C8orf34: variants seen among roughly 807,000 people sequenced by gnomAD.
The protein encoded by C8orf34 is chromosome 8 open reading frame 34.
In C8orf34, 65 loss-of-function variants were observed where a neutral mutation model predicts 68.3. The observed-to-expected ratio is 0.95, with a 90% CI of 0.78 to 1.17. C8orf34 has a LOEUF of 1.17. Ranked by LOEUF, C8orf34 falls within the 50% of genes most tolerant of loss-of-function variation. The pLI is 0.00. For missense variants in C8orf34, 664 were observed against 655.4 expected (o/e 1.01, Z -0.14); for synonymous variants, 244 against 241.2 (o/e 1.01, Z -0.11).
chr8:68,685,160 A>G (rs1820477804), intron 8 of C8orf34, among the ~76,000 whole-genome samples: 1 of 152,036 alleles, frequency 6.6e-6, no homozygotes, highest in Non-Finnish European at 1.5e-5. Flanking sequence ...GCTTGAACCT[A>G]TTGTTATTTC....
At chr8:68,398,425 G>C (rs1808807836) in intron 1 of C8orf34, among the ~76,000 whole-genome samples, 2 of 152,220 alleles carry the variant, frequency 1.3e-5, no homozygotes, top group Non-Finnish European at 2.9e-5. Context: ...AATTTGTAAT[G>C]AAACAGTTAT....
At chr8:68,665,519 T>C (rs148294698) in intron 8 of C8orf34, among the ~76,000 whole-genome samples, 5 of 152,328 alleles carry the variant, frequency 3.3e-5, no homozygotes, top group African/African-American at 1.2e-4. Context: ...CCTGCTTAAC[T>C]GACTGTAGGT....
rs149273905 is a variant in C8orf34 at position 68,445,034 on chromosome 8, A to C, written c.476-1295A>C. ...TAGAAATCTTCCATTCTCTTTTTGA[A>C]TGGCCTATATCCTGTCTTAACCTTA... On this transcript the variant is annotated intron_variant, in intron 2 of 13. Coordinates refer to ENST00000518698, the MANE Select transcript of C8orf34 (RefSeq NM_052958.4). Among the ~76,000 whole-genome samples, 328 of 152,298 alleles carry C rather than the reference A, an allele frequency of 2.2e-3. 1 individual carries two copies. The highest frequency in any genetic ancestry group is 7.1e-3 in the African/African-American group (295 of 41,572).
At chr8:68,508,666 A>T (rs1199867238) in intron 5 of C8orf34, among the ~76,000 whole-genome samples, 1 of 152,182 alleles carries the variant, frequency 6.6e-6, no homozygotes, top group Non-Finnish European at 1.5e-5. Context: ...GGGCTTGTCC[A>T]GAGTGACTTC....
intron 7 of C8orf34, among the ~76,000 whole-genome samples, chr8:68,568,291 T>A (rs1307846676): frequency 6.6e-6 from 1 of 152,072 alleles, no homozygotes; most frequent in African/African-American, 2.4e-5. Flanking sequence ...TATTCACAAC[T>A]TGGCTAACTG....
chr8:68,353,339 C>A (rs1034642524), intron 1 of C8orf34, among the ~76,000 whole-genome samples: 30 of 151,846 alleles, frequency 2.0e-4, no homozygotes, highest in African/African-American at 6.5e-4. Context: ...TATAATACAG[C>A]TAAAGAAAGT....
chr8:68,499,844 T>C (rs1314761353), intron 5 of C8orf34, among the ~76,000 whole-genome samples: 1 of 152,190 alleles, frequency 6.6e-6, no homozygotes, highest in Non-Finnish European at 1.5e-5. Flanking sequence ...AATCTCATGT[T>C]GAAATGTAAT....
chr8:68,747,984 T>C (rs1472591993), intron 10 of C8orf34, among the ~76,000 whole-genome samples: 2 of 151,616 alleles, frequency 1.3e-5, no homozygotes, highest in African/African-American at 4.9e-5. Context: ...GACTTCAAAC[T>C]ATACTACAAG....
chr8:68,721,878 A>G (rs953536761), intron 10 of C8orf34, among the ~76,000 whole-genome samples: 1 of 152,122 alleles, frequency 6.6e-6, no homozygotes, highest in Non-Finnish European at 1.5e-5. Flanking sequence ...AAGAATAAAT[A>G]GAAAAAACCT....
At chr8:68,344,326 T>C (rs1235755358) in intron 1 of C8orf34, among the ~76,000 whole-genome samples, 1 of 152,218 alleles carries the variant, frequency 6.6e-6, no homozygotes. Context: ...TTACGTATTA[T>C]ATGATTGTGT....
chr8:68,644,253 G>A (rs1362062964), intron 8 of C8orf34, among the ~76,000 whole-genome samples: 1 of 152,150 alleles, frequency 6.6e-6, no homozygotes, highest in Non-Finnish European at 1.5e-5. Context: ...TAAGGGGAAT[G>A]GAGGCAACTT....
chr8:68,356,436 C>T (rs1806751739), intron 1 of C8orf34, among the ~76,000 whole-genome samples: 1 of 151,958 alleles, frequency 6.6e-6, no homozygotes, highest in Non-Finnish European at 1.5e-5. Flanking sequence ...GGGACATTCC[C>T]TACTATTATA....
rs542067080 is a variant in C8orf34, at chr8:68,694,149, C to A, written c.1242-14845C>A. ...GGCTCTACTTTTAAAAATAGGAGGGCGATTGATCCAGGAAATTAATTATCC... is the reference window on the plus strand; with the variant it reads ...GGCTCTACTTTTAAAAATAGGAGGGAGATTGATCCAGGAAATTAATTATCC... On this transcript the variant is annotated intron_variant, in intron 8 of 13. Coordinates refer to ENST00000518698, the MANE Select transcript of C8orf34 (RefSeq NM_052958.4). Among the ~76,000 whole-genome samples, 18 of 151,978 alleles carry A rather than the reference C, an allele frequency of 1.2e-4. 1 individual carries two copies. The South Asian group carries it at 3.7e-3, about 32-fold the overall frequency.
At chr8:68,731,593 T>A (rs1418513389) in intron 10 of C8orf34, among the ~76,000 whole-genome samples, 7 of 152,180 alleles carry the variant, frequency 4.6e-5, no homozygotes, top group Non-Finnish European at 2.9e-5. Flanking sequence ...AGCATATTCT[T>A]TTTTCCCACT....
intron 8 of C8orf34, among the ~76,000 whole-genome samples, chr8:68,678,902 G>C (rs1433799804): frequency 6.9e-6 from 1 of 144,262 alleles, no homozygotes; most frequent in African/African-American, 2.5e-5. Context: ...AACAAAGTCA[G>C]TAAAATTGCA....
chr8:68,432,509 T>C (rs183682575), intron 1 of C8orf34, among the ~76,000 whole-genome samples: 2 of 152,130 alleles, frequency 1.3e-5, no homozygotes, highest in East Asian at 3.9e-4. Context: ...GGTTTCACCA[T>C]GTTGGTCAGG....
At chr8:68,331,703 C>T (rs1341630283) in intron 1 of C8orf34, among the ~76,000 whole-genome samples, 4 of 149,614 alleles carry the variant, frequency 2.7e-5, no homozygotes, top group African/African-American at 9.8e-5. Context: ...CTGTGTTGCA[C>T]ACGCACACTT....
At chr8:68,782,393 T>A (rs1823702666) in intron 11 of C8orf34, among the ~76,000 whole-genome samples, 1 of 151,660 alleles carries the variant, frequency 6.6e-6, no homozygotes, top group African/African-American at 2.4e-5. Flanking sequence ...CAATAAACAC[T>A]GGTTTATACC....
At chr8:68,471,925 AACAC>A (rs10596354) in intron 4 of C8orf34, among the ~76,000 whole-genome samples, 6,071 of 147,270 alleles carry the variant, frequency 0.041, 183 homozygotes, top group African/African-American at 0.078. Flanking sequence ...GACTTAAATG[AACAC>A]ACACACACAC....
Sources: allele counts gnomAD v4.1 joint callset (sites outside exome capture counted in the v4.1 genomes callset), GRCh38; gene constraint gnomAD v4.1.1; transcripts MANE v1.5; gene names NCBI Gene and HGNC (gene_info 2026-07-23, HGNC 2026-07-21).